Variants in IGSF21 observed in about 807,000 individuals in gnomAD.
IGSF21 encodes immunoglobin superfamily member 21.
Under a neutral mutation model 46.8 loss-of-function variants are expected in IGSF21, and 28 were observed. The ratio of observed to expected loss-of-function variants is 0.60; its 90% CI spans 0.44 to 0.82. The LOEUF (loss-of-function observed/expected upper bound fraction) is 0.82. Ranked by LOEUF, IGSF21 falls within the 40% of genes least tolerant of loss-of-function variation. The pLI is 0.00. For missense variants in IGSF21, 624 were observed against 665.5 expected (o/e 0.94, Z 0.69); for synonymous variants, 284 against 273.6 (o/e 1.04, Z -0.38).
At chr1:18,235,047 C>T (rs1176193163) in intron 2 of IGSF21, among the ~76,000 whole-genome samples, 1 of 152,236 alleles carries the variant, frequency 6.6e-6, no homozygotes, top group Non-Finnish European at 1.5e-5. Context: ...GGGTACCTGA[C>T]TCTGACAGCT....
chr1:18,319,673 C>T (rs767145678), intron 3 of IGSF21, among the ~76,000 whole-genome samples: 5 of 152,116 alleles, frequency 3.3e-5, no homozygotes, highest in Non-Finnish European at 7.4e-5. Flanking sequence ...ATAAGCTCAG[C>T]GATTGTGCAT....
intron 2 of IGSF21, among the ~76,000 whole-genome samples, chr1:18,240,749 C>A (rs934786832): frequency 6.6e-6 from 1 of 152,216 alleles, no homozygotes; most frequent in Admixed American, 6.5e-5. Flanking sequence ...GACTGGTGGA[C>A]TTCCTAACCC....
chr1:18,321,089 G>A (rs2085595970), intron 3 of IGSF21, among the ~76,000 whole-genome samples: 1 of 152,226 alleles, frequency 6.6e-6, no homozygotes. Flanking sequence ...TTGTCAAACT[G>A]TGGTGGAAGA....
chr1:18,124,112 C>T (rs1194313512), intron 1 of IGSF21, among the ~76,000 whole-genome samples: 4 of 152,172 alleles, frequency 2.6e-5, no homozygotes, highest in South Asian at 2.1e-4. Flanking sequence ...CCTGCAGCTG[C>T]GACAGCCACA....
intron 6 of IGSF21, among the ~76,000 whole-genome samples, chr1:18,372,871 T>C (rs1439443283): frequency 3.2e-5 from 1 of 31,538 alleles, no homozygotes; most frequent in Admixed American, 3.2e-4. Flanking sequence ...GATGGGTGGA[T>C]GGATGGATGG....
chr1:18,209,709 C>G (rs2124489521), intron 1 of IGSF21, among the ~76,000 whole-genome samples: 1 of 151,226 alleles, frequency 6.6e-6, no homozygotes, highest in East Asian at 1.9e-4. Flanking sequence ...ATTTGCCCAC[C>G]TTGGCCTCGT....
At chr1:18,229,584 AT>A (rs1224502971) in intron 2 of IGSF21, among the ~76,000 whole-genome samples, 1 of 152,206 alleles carries the variant, frequency 6.6e-6, no homozygotes, top group East Asian at 1.9e-4. Context: ...TTTAGAGTTA[AT>A]TCTAGTGCCC....
At chr1:18,362,641 A>G (rs1039239608) in intron 5 of IGSF21, among the ~76,000 whole-genome samples, 4 of 152,146 alleles carry the variant, frequency 2.6e-5, no homozygotes, top group Admixed American at 2.6e-4. Context: ...CCGTGTCTCA[A>G]GCTCCAGGTT....
At chr1:18,191,881 C>T (rs924348336) in intron 1 of IGSF21, among the ~76,000 whole-genome samples, 5 of 152,090 alleles carry the variant, frequency 3.3e-5, no homozygotes, top group South Asian at 2.1e-4. Flanking sequence ...AGCCAGGGTC[C>T]GGGATGGGTG....
chr1:18,328,725 C>T (rs1310520839), intron 3 of IGSF21, among the ~76,000 whole-genome samples: 1 of 152,220 alleles, frequency 6.6e-6, no homozygotes, highest in Non-Finnish European at 1.5e-5. Context: ...AATATTGGAT[C>T]ACTTGGTTCT....
In IGSF21 at chr1:18,137,293, A is replaced by G. The variant is rs1390028307; in HGVS notation, c.70+29095A>G. 2.6e-5 allele frequency among the ~76,000 whole-genome samples: 4 copies of G among 152,180 alleles called. No homozygotes were observed. The East Asian group carries it at 7.7e-4, about 29-fold the overall frequency. ...AACTTGGGATGGTGTTAAATCATTC[A>G]TGAGAAATCTGTCCCATGATCCAAT... On this transcript the variant is annotated intron_variant, in intron 1 of 9. Transcript: ENST00000251296.
chr1:18,260,721 T>C (rs1466972807), intron 2 of IGSF21, among the ~76,000 whole-genome samples: 1 of 152,202 alleles, frequency 6.6e-6, no homozygotes, highest in Non-Finnish European at 1.5e-5. Context: ...GCATGTCTTA[T>C]GGAAAGTTCC....
At chr1:18,333,223 T>G (rs897693619) in intron 3 of IGSF21, among the ~76,000 whole-genome samples, 2 of 152,198 alleles carry the variant, frequency 1.3e-5, no homozygotes, top group Non-Finnish European at 2.9e-5. Context: ...CATAGTTTTC[T>G]GCTATGACTT....
At chr1:18,372,857 G>C (rs1321925185) in intron 6 of IGSF21, among the ~76,000 whole-genome samples, 1 of 89,998 alleles carries the variant, frequency 1.1e-5, no homozygotes, top group African/African-American at 6.0e-5. Flanking sequence ...TGGATGGATG[G>C]ATGGATGGGT....
Position 18,322,238 on chromosome 1 carries a change from C to G in IGSF21, c.306-12654C>G, listed in dbSNP as rs1271255060. ...TGCATCGGCTCCTGGAACTCAAGGG[C>G]GAGGGACCTGATGCTGACCTTGCCC... On this transcript the variant is annotated intron_variant, in intron 3 of 9. Transcript: ENST00000251296. The surrounding 1 kb of genome is among the most constrained non-coding windows in gnomAD (Gnocchi z 4.3). 6.6e-6 allele frequency among the ~76,000 whole-genome samples: 1 copy of G among 152,068 alleles called. No individual in the cohort carries two copies. Among genetic ancestry groups the G allele is most frequent in the Non-Finnish European group, 1.5e-5 (1 of 68,022 alleles).
intron 9 of IGSF21, 73 bp downstream of exon 9, chr1:18,377,504 C>A: frequency 8.2e-7 from 1 of 1,223,540 alleles, no homozygotes; most frequent in Non-Finnish European, 1.2e-6. Flanking sequence ...TCTGGTCCCC[C>A]AAACTTCCCA....
chr1:18,303,656 T>C (rs1555219), intron 3 of IGSF21, among the ~76,000 whole-genome samples: 88,311 of 152,104 alleles, frequency 0.58, 26,525 homozygotes, highest in East Asian at 0.82. Flanking sequence ...TAATTATTCA[T>C]TCGTCCTTTT....
At chr1:18,115,829 G>C (rs2086182264) in intron 1 of IGSF21, 1 of 90,468 alleles carries the variant, frequency 1.1e-5, no homozygotes, top group African/African-American at 5.1e-5. Context: ...CAGGAAGGAA[G>C]GAAGGAAGGA....
At chr1:18,126,111 C>A (rs1050440620) in intron 1 of IGSF21, among the ~76,000 whole-genome samples, 2 of 152,024 alleles carry the variant, frequency 1.3e-5, no homozygotes, top group African/African-American at 4.8e-5. Flanking sequence ...TCCTTTGAAC[C>A]CCAACTTCCC....
Sources: allele counts gnomAD v4.1 joint callset (sites outside exome capture counted in the v4.1 genomes callset), GRCh38; gene constraint gnomAD v4.1.1; non-coding constraint Gnocchi (gnomAD v3.1); transcripts MANE v1.5; gene names NCBI Gene and HGNC (gene_info 2026-07-23, HGNC 2026-07-21).